Variants in TRAF2 observed in about 807,000 individuals in gnomAD.
The protein encoded by TRAF2 is TNF receptor-associated factor 2.
A neutral mutation model predicts 55.6 loss-of-function variants in TRAF2; 6 were observed. That is an observed-to-expected ratio of 0.11 (90% CI 0.06 to 0.21). The LOEUF (loss-of-function observed/expected upper bound fraction) is 0.21, where lower values mean the gene tolerates loss of function less well. Ranked by LOEUF, TRAF2 falls within the 10% of genes least tolerant of loss-of-function variation. TRAF2 has a pLI of 1.00. For synonymous variants in TRAF2, 329 were observed against 276.3 expected, an observed-to-expected ratio of 1.19 and a Z score of -1.89; for missense variants, 561 against 684.5, an observed-to-expected ratio of 0.82 and a Z score of 2.01.
intron 5 of TRAF2, among the ~76,000 whole-genome samples, chr9:136,909,428 C>T (rs1278950146): frequency 4.6e-5 from 7 of 152,184 alleles, no homozygotes; most frequent in African/African-American, 9.7e-5. Flanking sequence ...TCTTGTCCTT[C>T]AGGAGCCCCA....
At chr9:136,917,048 C>T (rs1406116086) in intron 7 of TRAF2, among the ~76,000 whole-genome samples, 1 of 152,200 alleles carries the variant, frequency 6.6e-6, no homozygotes, top group Admixed American at 6.5e-5. Flanking sequence ...TCGGGCCCCT[C>T]CTCTCGCCTC....
chr9:136,907,307 T>G (rs1363096356), intron 4 of TRAF2, among the ~76,000 whole-genome samples: 2 of 152,234 alleles, frequency 1.3e-5, no homozygotes, highest in Admixed American at 1.3e-4. Flanking sequence ...TTCCCTGGTG[T>G]TCTGGCACTG....
At position 136,903,712 on chromosome 9, in the gene TRAF2, C is replaced by G. The variant is rs374586434; in HGVS notation, c.366+3192C>G. ...TTTGTTGTTTTTTGCGATGGAGTCT[C>G]ACTCTGTCACCCAGACTGGAGTGCA... On this transcript the variant is annotated intron_variant, in intron 4 of 10. Transcript: ENST00000247668. Among the ~76,000 whole-genome samples, 355 of 152,128 alleles carry G rather than the reference C, an allele frequency of 2.3e-3. 2 individuals are homozygous for G. Among genetic ancestry groups the G allele is most frequent in the African/African-American group, 8.2e-3 (341 of 41,496 alleles).
chr9:136,883,168 C>A (rs1314203521), upstream of TRAF2, among the ~76,000 whole-genome samples: 5 of 152,216 alleles, frequency 3.3e-5, no homozygotes, highest in South Asian at 4.1e-4. Flanking sequence ...CCATGCCCAG[C>A]CAGTTTTTTT....
chr9:136,917,723 A>G (rs930419787), intron 7 of TRAF2, among the ~76,000 whole-genome samples: 1 of 152,084 alleles, frequency 6.6e-6, no homozygotes, highest in Non-Finnish European at 1.5e-5. Flanking sequence ...TTTTTTCCTA[A>G]TGGTGAAAAG....
At chr9:136,912,653 G>A (rs1035996661) in intron 6 of TRAF2, among the ~76,000 whole-genome samples, 1 of 152,012 alleles carries the variant, frequency 6.6e-6, no homozygotes, top group South Asian at 2.1e-4. Flanking sequence ...CCTGGCCAAC[G>A]TGGTGAAACT....
In TRAF2 at chr9:136,910,024, G is replaced by A. The variant is rs180748766; in HGVS notation, c.603+30G>A. ...GTGTCCTTCACCTCCTTGGAGGACC[G>A]CAGGGCGGGGCCCATGTGTTGGACG... On this transcript the variant is annotated intron_variant, in intron 6 of 10. Transcript: ENST00000247668. 4.5e-4 allele frequency: 723 copies of A among 1,603,318 alleles called. 2 individuals are homozygous for A. The African/African-American group carries it at 8.5e-3, about 19-fold the overall frequency.
chr9:136,915,301 G>A (rs1393875807), intron 6 of TRAF2, among the ~76,000 whole-genome samples: 1 of 152,186 alleles, frequency 6.6e-6, no homozygotes, highest in Non-Finnish European at 1.5e-5. Flanking sequence ...GCGCCGTGCG[G>A]TCGTTCAGAA....
At chr9:136,886,421 G>T (rs1174220721), upstream of TRAF2, 1 of 998,728 alleles carries the variant, frequency 1.0e-6, no homozygotes, top group South Asian at 4.3e-5. Flanking sequence ...CTTCCTGAGG[G>T]CTGGCTGGTT....
At chr9:136,917,003 C>T (rs745447124) in intron 7 of TRAF2, among the ~76,000 whole-genome samples, 17 of 152,156 alleles carry the variant, frequency 1.1e-4, no homozygotes, top group African/African-American at 2.4e-4. Context: ...TCTAACCCAG[C>T]GGCTGTCGCT....
chr9:136,886,084 G>A (rs1383757008), upstream of TRAF2: 1 of 152,296 alleles, frequency 6.6e-6, no homozygotes, highest in African/African-American at 2.4e-5. Context: ...GCCCGGCTTG[G>A]GCTCCCGGCT....
At chr9:136,924,131 C>T (rs559547724) in intron 10 of TRAF2, 131 bp downstream of exon 10, 93 of 1,141,906 alleles carry the variant, frequency 8.1e-5, no homozygotes, top group African/African-American at 5.5e-4. Flanking sequence ...GCAGCAGGCA[C>T]GTCACCCTGT....
Position 136,925,818 on chromosome 9 carries a change from G to T in TRAF2, c.1423G>T (p.Val475Phe). ...IASGCPLFCP[V>F]SKMEAKNSYV... Reference sequence around the variant, plus strand: ...AAGCGGCTGCCCCCTCTTCTGCCCCGTCTCCAAGATGGAGGCAAAGAATTC... The same window carrying T: ...AAGCGGCTGCCCCCTCTTCTGCCCCTTCTCCAAGATGGAGGCAAAGAATTC... Residue 475 changes from valine to phenylalanine, a missense_variant, in exon 11 of 11, where the codon GTC becomes TTC. Val to Phe is a conservative substitution (Grantham distance 50). Transcript: ENST00000247668. The T allele has an allele frequency of 1.9e-6, 3 of 1,614,216 alleles. No individual in the cohort carries two copies. The highest frequency in any genetic ancestry group is 2.5e-6 in the Non-Finnish European group (3 of 1,180,040).
intron 1 of TRAF2, among the ~76,000 whole-genome samples, chr9:136,888,201 G>A (rs555122919): frequency 2.0e-5 from 3 of 152,284 alleles, no homozygotes; most frequent in South Asian, 2.1e-4. Flanking sequence ...TTAACTTCTA[G>A]TATTTGGAGG....
chr9:136,913,948 T>C (rs1850181757), intron 6 of TRAF2, among the ~76,000 whole-genome samples: 2 of 152,220 alleles, frequency 1.3e-5, no homozygotes, highest in Non-Finnish European at 2.9e-5. Context: ...CCTGGTCCTT[T>C]GGAGGCTGAC....
At chr9:136,901,758 T>A (rs1849824974) in intron 4 of TRAF2, among the ~76,000 whole-genome samples, 1 of 152,192 alleles carries the variant, frequency 6.6e-6, no homozygotes, top group Non-Finnish European at 1.5e-5. Flanking sequence ...AGCTGGGATC[T>A]CCTGCTCAGC....
chr9:136,886,072 T>A (rs1203991844), upstream of TRAF2: 3 of 152,208 alleles, frequency 2.0e-5, no homozygotes, highest in African/African-American at 7.2e-5. Flanking sequence ...GGAACCGGTG[T>A]CGCCCGGCTT....
At chr9:136,921,244 C>A (rs761407024) in intron 9 of TRAF2, 29 bp downstream of exon 9, 1 of 1,611,466 alleles carries the variant, frequency 6.2e-7, no homozygotes, top group Non-Finnish European at 8.5e-7. Context: ...CACCTCACTG[C>A]AGCTGCTGTT....
At chr9:136,909,557 C>A (rs374083008) in intron 5 of TRAF2, among the ~76,000 whole-genome samples, 1 of 152,140 alleles carries the variant, frequency 6.6e-6, no homozygotes, top group African/African-American at 2.4e-5. Context: ...TGGAGACGTC[C>A]CGCATGCCGC....
Sources: gnomAD v4.1 joint callset for allele counts (sites outside exome capture counted in the v4.1 genomes callset) on GRCh38, gnomAD v4.1.1 for gene constraint, MANE v1.5 for transcripts, NCBI Gene and HGNC (gene_info 2026-07-23, HGNC 2026-07-21) for gene names.